Variants in SLC35A1 observed in about 807,000 individuals in gnomAD.
SLC35A1 encodes solute carrier family 35 member A1, also known as CMP-sialic acid transporter.
A neutral mutation model predicts 40.3 loss-of-function variants in SLC35A1; 21 were observed. That is an observed-to-expected ratio of 0.52 (90% CI 0.37 to 0.75). The LOEUF is 0.75. SLC35A1 is among the 30% of genes least tolerant of loss of function. SLC35A1 has a pLI of 0.00. For synonymous variants in SLC35A1, 146 were observed against 147.3 expected, an observed-to-expected ratio of 0.99 and a Z score of 0.06; for missense variants, 297 against 382.1, an observed-to-expected ratio of 0.78 and a Z score of 1.86.
intron 2 of SLC35A1, among the ~76,000 whole-genome samples, chr6:87,494,949 TGC>T (rs1769674299): frequency 6.6e-6 from 1 of 152,134 alleles, no homozygotes; most frequent in African/African-American, 2.4e-5. Flanking sequence ...ACTTTCATAT[TGC>T]CTTGGAACAA....
chr6:87,511,665 C>G lies in SLC35A1; in HGVS notation c.*139C>G. The G allele has an allele frequency of 1.1e-6, 1 of 926,704 alleles. No homozygotes were observed. The highest frequency in any genetic ancestry group is 1.8e-6 in the Non-Finnish European group (1 of 567,758). 57.4% of individuals were successfully genotyped at this position (926,704 alleles called of 1,614,324 possible). On this transcript the variant is annotated 3_prime_UTR_variant, in exon 8 of 8. Transcript: ENST00000369552. ...CAGTGCGGTTATGTGGAAACAACAA[C>G]AAACAAACGAAGCTATCTGAGTGAA...
intron 7 of SLC35A1, among the ~76,000 whole-genome samples, chr6:87,510,200 C>G (rs918289055): frequency 6.6e-6 from 1 of 152,156 alleles, no homozygotes; most frequent in Admixed American, 6.5e-5. Flanking sequence ...ACACTACTTA[C>G]CAACCACTTA....
intron 2 of SLC35A1, among the ~76,000 whole-genome samples, chr6:87,489,534 GCTTTT>G (rs932564176): frequency 3.6e-5 from 5 of 139,170 alleles, no homozygotes; most frequent in African/African-American, 1.4e-4. Flanking sequence ...TCAACTGTGA[GCTTTT>G]TTTTTTTTTT....
At chr6:87,506,332 G>A (rs1770082118) in intron 4 of SLC35A1, 50 bp from the exon 5 acceptor site, 2 of 1,417,454 alleles carry the variant, frequency 1.4e-6, no homozygotes, top group African/African-American at 1.4e-5. Flanking sequence ...ACTCTTGGAT[G>A]AACTCTGTTT....
chr6:87,493,701 A>G (rs1387337284), intron 2 of SLC35A1, among the ~76,000 whole-genome samples: 1 of 152,224 alleles, frequency 6.6e-6, no homozygotes, highest in Non-Finnish European at 1.5e-5. Context: ...CAAACTACTA[A>G]CTGAAGTATG....
chr6:87,473,230 G>A (rs969017354), intron 1 of SLC35A1, among the ~76,000 whole-genome samples: 6 of 152,194 alleles, frequency 3.9e-5, no homozygotes, highest in African/African-American at 7.2e-5. Flanking sequence ...GGCTGACTCC[G>A]CGCTGGGCAG....
chr6:87,486,212 A>C (rs556324610), intron 2 of SLC35A1, among the ~76,000 whole-genome samples: 1 of 152,332 alleles, frequency 6.6e-6, no homozygotes, highest in African/African-American at 2.4e-5. Flanking sequence ...GTTAAAGTAC[A>C]TATATTATAC....
At chr6:87,502,104 C>A (rs1335895817) in intron 4 of SLC35A1, among the ~76,000 whole-genome samples, 1 of 152,090 alleles carries the variant, frequency 6.6e-6, no homozygotes, top group East Asian at 1.9e-4. Flanking sequence ...AGTATCATAT[C>A]CCCACCCTCC....
intron 2 of SLC35A1, among the ~76,000 whole-genome samples, 187 bp downstream of exon 2, chr6:87,477,726 G>A (rs1270458141): frequency 1.3e-5 from 2 of 152,104 alleles, no homozygotes; most frequent in African/African-American, 4.8e-5. Flanking sequence ...GCATCTAGTG[G>A]GTGGAGACCA....
At position 87,511,995 on chromosome 6, in the gene SLC35A1, G is replaced by A. The variant is rs1770294643; in HGVS notation, c.*469G>A. On this transcript the variant is annotated 3_prime_UTR_variant, in exon 8 of 8. Transcript: ENST00000369552. ...TTTGTCCTAGCAGCATAAAGACCTAGCTCTTTTCTTACAAGAGGCAGAAAC... is the reference window on the plus strand; with the variant it reads ...TTTGTCCTAGCAGCATAAAGACCTAACTCTTTTCTTACAAGAGGCAGAAAC... The A allele has an allele frequency of 5.7e-6, 1 of 175,670 alleles. No individual in the cohort carries two copies. The highest frequency in any genetic ancestry group is 2.4e-5 in the African/African-American group (1 of 41,640). The allele number at this position is 175,670 out of a possible 1,614,324, so 10.9% of individuals were successfully genotyped here.
At chr6:87,507,601 A>T (rs1378100460) in intron 5 of SLC35A1, among the ~76,000 whole-genome samples, 4 of 152,190 alleles carry the variant, frequency 2.6e-5, no homozygotes, top group Admixed American at 2.6e-4. Context: ...CATCAAAAAT[A>T]ATCTTGTTTT....
At chr6:87,507,535 G>C (rs768790403) in intron 5 of SLC35A1, among the ~76,000 whole-genome samples, 2 of 152,040 alleles carry the variant, frequency 1.3e-5, no homozygotes, top group Non-Finnish European at 2.9e-5. Flanking sequence ...CTCCCAGAAG[G>C]TAAAATCAGA....
intron 2 of SLC35A1, among the ~76,000 whole-genome samples, chr6:87,492,629 C>T (rs756962008): frequency 6.7e-6 from 1 of 149,802 alleles, no homozygotes; most frequent in Non-Finnish European, 1.5e-5. Flanking sequence ...CTGACTGCAA[C>T]CTCCGCCTCC....
At chr6:87,484,275 G>A (rs903842508) in intron 2 of SLC35A1, among the ~76,000 whole-genome samples, 8 of 152,174 alleles carry the variant, frequency 5.3e-5, no homozygotes, top group African/African-American at 1.9e-4. Flanking sequence ...ACCAGAGACC[G>A]CCTCTGGAGG....
At chr6:87,484,320 T>C (rs912231662) in intron 2 of SLC35A1, among the ~76,000 whole-genome samples, 12 of 152,226 alleles carry the variant, frequency 7.9e-5, no homozygotes, top group African/African-American at 2.9e-4. Context: ...TAAATTGTTA[T>C]AAAGTTTTGG....
intron 3 of SLC35A1, among the ~76,000 whole-genome samples, 176 bp from the exon 4 acceptor site, chr6:87,500,982 C>T (rs549948997): frequency 1.3e-5 from 2 of 152,144 alleles, no homozygotes; most frequent in Admixed American, 1.3e-4. Context: ...CTCCAGACCT[C>T]GTGATCCACC....
At chr6:87,476,570 C>T (rs1029836945) in intron 1 of SLC35A1, among the ~76,000 whole-genome samples, 1 of 151,444 alleles carries the variant, frequency 6.6e-6, no homozygotes, top group African/African-American at 2.4e-5. Context: ...ACTAAAAATA[C>T]AAAAATTAGC....
At chr6:87,502,605 T>C (rs191945446) in intron 4 of SLC35A1, among the ~76,000 whole-genome samples, 9 of 152,334 alleles carry the variant, frequency 5.9e-5, no homozygotes, top group Non-Finnish European at 8.8e-5. Context: ...TACCTAAACA[T>C]AGAAAAGGCA....
intron 2 of SLC35A1, among the ~76,000 whole-genome samples, chr6:87,484,556 G>A (rs1769341346): frequency 6.6e-6 from 1 of 152,138 alleles, no homozygotes; most frequent in Non-Finnish European, 1.5e-5. Context: ...ATTCCGATTG[G>A]CTAATTTAAA....
Sources: allele counts gnomAD v4.1 joint callset (sites outside exome capture counted in the v4.1 genomes callset), GRCh38; gene constraint gnomAD v4.1.1; transcripts MANE v1.5; gene names NCBI Gene and HGNC (gene_info 2026-07-23, HGNC 2026-07-21).